Variants in CHST11 observed in about 807,000 individuals in gnomAD.
CHST11 encodes C4S-1.
CHST11 carries 9 observed loss-of-function variants against 30.4 expected under a neutral mutation model. That is an observed-to-expected ratio of 0.30 (90% CI 0.18 to 0.52). The LOEUF (loss-of-function observed/expected upper bound fraction) is 0.52. CHST11 is among the 20% of genes least tolerant of loss of function. The pLI, the probability that CHST11 is intolerant of heterozygous loss-of-function variation, is 0.97. For missense variants in CHST11, 348 were observed against 460.6 expected (o/e 0.76, Z 2.24); for synonymous variants, 152 against 187.8 (o/e 0.81, Z 1.56).
chr12:104,606,670 T>A (rs1019658585), intron 2 of CHST11, among the ~76,000 whole-genome samples: 1 of 152,162 alleles, frequency 6.6e-6, no homozygotes, highest in African/African-American at 2.4e-5. Context: ...GAGATTCTCT[T>A]TCCCAGTGAC....
At chr12:104,515,174 A>G (rs1160265039) in intron 1 of CHST11, among the ~76,000 whole-genome samples, 1 of 152,202 alleles carries the variant, frequency 6.6e-6, no homozygotes, top group Non-Finnish European at 1.5e-5. Flanking sequence ...TGAAAAGTCT[A>G]TGAAATTCAG....
At chr12:104,459,005 G>T (rs566876239) in intron 1 of CHST11, among the ~76,000 whole-genome samples, 165 of 152,342 alleles carry the variant, frequency 1.1e-3, no homozygotes, top group African/African-American at 3.8e-3. Context: ...GTCTGGAGCA[G>T]TTGTTAAGGC....
At chr12:104,459,744 C>T (rs2037389742) in intron 1 of CHST11, among the ~76,000 whole-genome samples, 1 of 152,180 alleles carries the variant, frequency 6.6e-6, no homozygotes, top group East Asian at 1.9e-4. Context: ...GAAAAAGATC[C>T]TCTGTCGATG....
intron 2 of CHST11, among the ~76,000 whole-genome samples, chr12:104,698,107 T>A (rs1383404854): frequency 6.6e-6 from 1 of 152,236 alleles, no homozygotes; most frequent in African/African-American, 2.4e-5. Context: ...TGCAGTCACA[T>A]ATCAAGCCAT....
At chr12:104,685,162 C>G (rs2039835216) in intron 2 of CHST11, among the ~76,000 whole-genome samples, 1 of 152,174 alleles carries the variant, frequency 6.6e-6, no homozygotes, top group African/African-American at 2.4e-5. Context: ...TGAAGTAAAT[C>G]TGCAAAACCT....
chr12:104,600,146 A>G lies in CHST11; in HGVS notation c.119-1760A>G, dbSNP rs2038945201. Among the ~76,000 whole-genome samples the G allele has an allele frequency of 6.6e-6, 1 of 152,234 alleles. No homozygotes were observed. Among genetic ancestry groups the G allele is most frequent in the Admixed American group, 6.5e-5 (1 of 15,290 alleles). On this transcript the variant is annotated intron_variant, in intron 1 of 2. Coordinates refer to ENST00000303694, the MANE Select transcript of CHST11 (RefSeq NM_018413.6). The surrounding 1 kb of genome is among the most constrained non-coding windows in gnomAD (Gnocchi z 4.1). Reference sequence around the variant, plus strand: ...GGCATCTTGTTTCTGGGCATTGATGATTGACTTTCAGAGTTTCCACGTGGC... The same window carrying G: ...GGCATCTTGTTTCTGGGCATTGATGGTTGACTTTCAGAGTTTCCACGTGGC...
At chr12:104,610,976 G>A (rs1241665118) in intron 2 of CHST11, among the ~76,000 whole-genome samples, 1 of 152,194 alleles carries the variant, frequency 6.6e-6, no homozygotes, top group African/African-American at 2.4e-5. Flanking sequence ...AGTCAATGCT[G>A]ATTTTTTTAT....
chr12:104,502,993 G>A (rs2037867296), intron 1 of CHST11, among the ~76,000 whole-genome samples: 1 of 152,264 alleles, frequency 6.6e-6, no homozygotes, highest in Non-Finnish European at 1.5e-5. Context: ...GCTCCCAGGT[G>A]ATGCTGATGC....
At chr12:104,481,219 T>G (rs753186640) in intron 1 of CHST11, among the ~76,000 whole-genome samples, 1 of 152,218 alleles carries the variant, frequency 6.6e-6, no homozygotes, top group Non-Finnish European at 1.5e-5. Flanking sequence ...GAGGCCTGCC[T>G]GGTCCCACTT....
At chr12:104,519,562 A>C (rs2038056714) in intron 1 of CHST11, among the ~76,000 whole-genome samples, 1 of 152,154 alleles carries the variant, frequency 6.6e-6, no homozygotes, top group African/African-American at 2.4e-5. Context: ...AAGTGAGATG[A>C]ACGCCTTTCT....
chr12:104,546,677 G>T (rs1192255193), intron 1 of CHST11, among the ~76,000 whole-genome samples: 1 of 152,144 alleles, frequency 6.6e-6, no homozygotes, highest in Non-Finnish European at 1.5e-5. Context: ...CCAGGATGGA[G>T]AAAAGTTTTC....
intron 1 of CHST11, among the ~76,000 whole-genome samples, chr12:104,543,275 G>A (rs1390147296): frequency 6.6e-6 from 1 of 152,160 alleles, no homozygotes; most frequent in Non-Finnish European, 1.5e-5. Context: ...CATTCTTGAG[G>A]TATCAGCCTC....
chr12:104,492,160 G>A (rs375040536), intron 1 of CHST11, among the ~76,000 whole-genome samples: 9 of 152,216 alleles, frequency 5.9e-5, no homozygotes, highest in East Asian at 1.9e-4. Flanking sequence ...GCAGTGGCGC[G>A]ATCTCTGCTC....
intron 2 of CHST11, among the ~76,000 whole-genome samples, chr12:104,622,147 A>G (rs2039165912): frequency 6.6e-6 from 1 of 152,220 alleles, no homozygotes; most frequent in Non-Finnish European, 1.5e-5. Flanking sequence ...TATTCATAAG[A>G]ACTCTTTGAC....
chr12:104,586,542 C>A (rs543975120), intron 1 of CHST11, among the ~76,000 whole-genome samples: 2 of 152,354 alleles, frequency 1.3e-5, no homozygotes, highest in South Asian at 4.1e-4. Flanking sequence ...GTTACCTGGA[C>A]TATTTCCTTT....
intron 2 of CHST11, among the ~76,000 whole-genome samples, chr12:104,727,882 T>A (rs1325247941): frequency 6.6e-6 from 1 of 152,030 alleles, no homozygotes; most frequent in African/African-American, 2.4e-5. Context: ...GGAAAGTCCC[T>A]CCAAGGAAAT....
intron 1 of CHST11, among the ~76,000 whole-genome samples, chr12:104,584,327 G>A (rs534382817): frequency 4.2e-4 from 60 of 143,724 alleles, no homozygotes; most frequent in Non-Finnish European, 6.4e-4. Flanking sequence ...TAGAATCTAC[G>A]CTCACTGCAA....
chr12:104,462,227 A>G (rs1055617099), intron 1 of CHST11, among the ~76,000 whole-genome samples: 7 of 149,302 alleles, frequency 4.7e-5, no homozygotes, highest in Non-Finnish European at 3.0e-5. Flanking sequence ...GGTATAGAAG[A>G]AAAACAATCA....
intron 1 of CHST11, among the ~76,000 whole-genome samples, chr12:104,583,806 G>A (rs2038772979): frequency 6.6e-6 from 1 of 151,834 alleles, no homozygotes; most frequent in South Asian, 2.1e-4. Context: ...TCTGCCTCCT[G>A]GGTTCAAGCA....
Sources: gnomAD v4.1 joint callset for allele counts (sites outside exome capture counted in the v4.1 genomes callset) on GRCh38, gnomAD v4.1.1 for gene constraint, Gnocchi (gnomAD v3.1) non-coding constraint, MANE v1.5 for transcripts, NCBI Gene and HGNC (gene_info 2026-07-23, HGNC 2026-07-21) for gene names.